Variants in PTPRD observed in about 807,000 individuals in gnomAD.
PTPRD encodes the protein protein tyrosine phosphatase receptor type D, also known as receptor-type tyrosine-protein phosphatase delta.
PTPRD carries 34 observed loss-of-function variants against 214.5 expected under a neutral mutation model. The observed-to-expected ratio is 0.16, with a 90% CI of 0.12 to 0.21. The LOEUF (loss-of-function observed/expected upper bound fraction) is 0.21, where lower values mean the gene tolerates loss of function less well. PTPRD is among the 10% of genes least tolerant of loss of function. The pLI, the probability that PTPRD is intolerant of heterozygous loss-of-function variation, is 1.00. For missense variants in PTPRD, 2,545 were observed against 2,398.7 expected, an observed-to-expected ratio of 1.06 and a Z score of -1.27; for synonymous variants, 1,128 against 845.7, an observed-to-expected ratio of 1.33 and a Z score of -5.79.
At chr9:8,834,266 A>C (rs898544773) in intron 11 of PTPRD, among the ~76,000 whole-genome samples, 4 of 152,100 alleles carry the variant, frequency 2.6e-5, no homozygotes, top group African/African-American at 9.7e-5. Context: ...TTATTTTTAG[A>C]TAGATTTTTA....
chr9:9,403,344 G>C (rs78481378), intron 8 of PTPRD, among the ~76,000 whole-genome samples: 338 of 94,712 alleles, frequency 3.6e-3, no homozygotes, highest in African/African-American at 0.013. Flanking sequence ...AATCTTAAAA[G>C]AATAATGTAC....
At chr9:8,432,875 G>A (rs552731139) in intron 35 of PTPRD, among the ~76,000 whole-genome samples, 34 of 152,298 alleles carry the variant, frequency 2.2e-4, no homozygotes, top group African/African-American at 8.2e-4. Flanking sequence ...TGGGCTATCA[G>A]GTCCACAGCT....
intron 5 of PTPRD, among the ~76,000 whole-genome samples, chr9:9,796,787 C>T (rs1005969412): frequency 6.6e-6 from 1 of 152,112 alleles, no homozygotes; most frequent in African/African-American, 2.4e-5. Flanking sequence ...GAAAAGGATG[C>T]TAGTGTTTTG....
chr9:10,351,230 C>T (rs773225614), intron 2 of PTPRD, among the ~76,000 whole-genome samples: 3 of 152,086 alleles, frequency 2.0e-5, no homozygotes, highest in African/African-American at 7.2e-5. Context: ...CATCTACTAT[C>T]GTGGATTATC....
At chr9:10,534,460 T>C (rs1358736473) in intron 2 of PTPRD, among the ~76,000 whole-genome samples, 2 of 152,082 alleles carry the variant, frequency 1.3e-5, no homozygotes, top group Non-Finnish European at 2.9e-5. Context: ...ACTTTTCTAA[T>C]TCAGAAAACA....
chr9:10,037,178 C>A (rs1265916459), intron 3 of PTPRD, among the ~76,000 whole-genome samples: 2 of 152,024 alleles, frequency 1.3e-5, no homozygotes, highest in Non-Finnish European at 2.9e-5. Context: ...GCACCATGCA[C>A]CACAAAATAA....
intron 3 of PTPRD, among the ~76,000 whole-genome samples, chr9:10,285,653 C>G (rs1170713972): frequency 6.8e-6 from 1 of 146,562 alleles, no homozygotes; most frequent in Non-Finnish European, 1.5e-5. Flanking sequence ...CTCTGTCGCC[C>G]AGGCTGGAGG....
chr9:9,920,217 G>A (rs2082170158), intron 5 of PTPRD, among the ~76,000 whole-genome samples: 1 of 152,084 alleles, frequency 6.6e-6, no homozygotes, highest in African/African-American at 2.4e-5. Flanking sequence ...TTAGAAAACA[G>A]AACAGTTTGT....
At chr9:9,717,463 T>C (rs1167096149) in intron 7 of PTPRD, among the ~76,000 whole-genome samples, 3 of 152,212 alleles carry the variant, frequency 2.0e-5, no homozygotes, top group African/African-American at 2.4e-5. Flanking sequence ...TTTCATGATA[T>C]TGAGCTAAGA....
intron 11 of PTPRD, among the ~76,000 whole-genome samples, chr9:8,944,234 C>T (rs1372275150): frequency 6.6e-6 from 1 of 151,816 alleles, no homozygotes; most frequent in Non-Finnish European, 1.5e-5. Context: ...TGGCTTTTAT[C>T]CAAAATACAG....
chr9:10,362,322 C>T (rs923428977), intron 2 of PTPRD, among the ~76,000 whole-genome samples: 1 of 143,644 alleles, frequency 7.0e-6, no homozygotes, highest in Non-Finnish European at 1.5e-5. Flanking sequence ...TCACAACAAT[C>T]CTCTGACAGA....
At chr9:10,215,111 T>C (rs1168731286) in intron 3 of PTPRD, among the ~76,000 whole-genome samples, 1 of 152,020 alleles carries the variant, frequency 6.6e-6, no homozygotes, top group African/African-American at 2.4e-5. Flanking sequence ...AATCTTTTCT[T>C]TCTCAAAATT....
At chr9:8,893,495 G>C (rs551096846) in intron 11 of PTPRD, among the ~76,000 whole-genome samples, 1 of 152,194 alleles carries the variant, frequency 6.6e-6, no homozygotes, top group Non-Finnish European at 1.5e-5. Flanking sequence ...TTCACTCTCA[G>C]AAAATTGACA....
Position 9,771,044 on chromosome 9 carries a change from T to A in PTPRD, c.-367-4193A>T, listed in dbSNP as rs79074191. On this transcript the variant is annotated intron_variant, in intron 5 of 45. Transcript: ENST00000381196. ...GCAGATGGAAGTCAACAATTATTAC[T>A]TCACCAGAGCAGAATCACTATTTTA... 2.0e-5 allele frequency among the ~76,000 whole-genome samples: 3 copies of A among 152,304 alleles called. No individual in the cohort carries two copies. In the East Asian group the frequency reaches 5.8e-4, roughly 29 times the overall value.
chr9:9,444,777 T>C (rs1280979188), intron 8 of PTPRD, among the ~76,000 whole-genome samples: 1 of 152,180 alleles, frequency 6.6e-6, no homozygotes, highest in Non-Finnish European at 1.5e-5. Flanking sequence ...TAGTAACTTT[T>C]ATATTTTAAT....
At chr9:9,861,322 G>T (rs887818998) in intron 5 of PTPRD, among the ~76,000 whole-genome samples, 2 of 151,964 alleles carry the variant, frequency 1.3e-5, no homozygotes, top group Admixed American at 1.3e-4. Context: ...ACAGAGTCTT[G>T]CTCTGTCTCC....
At chr9:10,169,901 T>G (rs906252372) in intron 3 of PTPRD, among the ~76,000 whole-genome samples, 76 of 152,174 alleles carry the variant, frequency 5.0e-4, no homozygotes, top group African/African-American at 1.8e-3. Context: ...AAATATTAGA[T>G]TTAGTTTATA....
At chr9:10,220,336 C>G (rs1482189768) in intron 3 of PTPRD, among the ~76,000 whole-genome samples, 1 of 151,842 alleles carries the variant, frequency 6.6e-6, no homozygotes, top group Non-Finnish European at 1.5e-5. Flanking sequence ...ACCCTAGAAA[C>G]TATTTGGTGA....
intron 11 of PTPRD, among the ~76,000 whole-genome samples, chr9:8,735,952 A>G (rs1242701018): frequency 6.6e-6 from 1 of 152,042 alleles, no homozygotes; most frequent in African/African-American, 2.4e-5. Context: ...TTAAAAAAAA[A>G]TAGGTCACAG....
Sources: allele counts gnomAD v4.1 joint callset (sites outside exome capture counted in the v4.1 genomes callset), GRCh38; gene constraint gnomAD v4.1.1; transcripts MANE v1.5; gene names NCBI Gene and HGNC (gene_info 2026-07-23, HGNC 2026-07-21).